WWOX: variants seen among roughly 807,000 people sequenced by gnomAD.
WWOX encodes WW domain-containing oxidoreductase.
A neutral mutation model predicts 46.2 loss-of-function variants in WWOX; 69 were observed. That is an observed-to-expected ratio of 1.49 (90% CI 1.23 to 1.82). The LOEUF is 1.82. Ranked by LOEUF, WWOX falls within the 40% of genes most tolerant of loss-of-function variation. The probability of loss-of-function intolerance (pLI) is 0.00; values close to 1 mark genes in which losing one functional copy is unlikely to be tolerated. For synonymous variants in WWOX, 359 were observed against 202.6 expected, an observed-to-expected ratio of 1.77 and a Z score of -6.56; for missense variants, 919 against 542.6, an observed-to-expected ratio of 1.69 and a Z score of -6.89.
Position 78,345,712 on chromosome 16 carries a change from A to C in WWOX, c.517-41148A>C, listed in dbSNP as rs186037874. ...CTTATACAGTTTGTGATATGGGTAC[A>C]CACTCAGTGAAATGGCCATTAATAC... On this transcript the variant is annotated intron_variant, in intron 5 of 8. Coordinates refer to ENST00000566780, the MANE Select transcript of WWOX (RefSeq NM_016373.4). Among the ~76,000 whole-genome samples, 3 of 114,222 alleles carry C rather than the reference A, an allele frequency of 2.6e-5. No homozygotes were observed. The East Asian group carries it at 5.8e-4, about 22-fold the overall frequency. The allele number at this position is 114,222 out of a possible 152,430, so 74.9% of individuals were successfully genotyped here.
At chr16:79,056,947 G>C (rs887535360) in intron 8 of WWOX, among the ~76,000 whole-genome samples, 14 of 152,208 alleles carry the variant, frequency 9.2e-5, no homozygotes, top group African/African-American at 3.4e-4. Flanking sequence ...TGTGTTTATA[G>C]GGACAGGATA....
intron 5 of WWOX, chr16:78,237,337 G>A (rs996044132): frequency 6.6e-6 from 1 of 152,164 alleles, no homozygotes; most frequent in African/African-American, 2.4e-5. Context: ...GAAAGAGACT[G>A]TTTAAAACAC....
chr16:78,236,775 G>T (rs1259999801), intron 5 of WWOX, among the ~76,000 whole-genome samples: 1 of 152,108 alleles, frequency 6.6e-6, no homozygotes, highest in Non-Finnish European at 1.5e-5. Context: ...GTCCCATGAT[G>T]ATAATATCTG....
chr16:79,031,874 A>G lies in WWOX; in HGVS notation c.1057-179734A>G, dbSNP rs1191122451. On this transcript the variant is annotated intron_variant, in intron 8 of 8. Coordinates refer to ENST00000566780, the MANE Select transcript of WWOX (RefSeq NM_016373.4). ...ATATTATATATATAGATAGATATCT[A>G]TATACAGATATCTGTATACAGATAT... Among the ~76,000 whole-genome samples, 76 of 137,862 alleles carry G rather than the reference A, an allele frequency of 5.5e-4. No homozygotes were observed. The South Asian group carries it at 0.012, about 22-fold the overall frequency. The allele number at this position is 137,862 out of a possible 152,430, so 90.4% of individuals were successfully genotyped here.
rs934479325 is a variant in WWOX at position 78,345,869 on chromosome 16, G to A, written c.517-40991G>A. Reference sequence around the variant, plus strand: ...GGATTGGTTTGATCAACTTTGTTGCGGTCTAATTTATGTAAAATAAATTGC... The same window carrying A: ...GGATTGGTTTGATCAACTTTGTTGCAGTCTAATTTATGTAAAATAAATTGC... On this transcript the variant is annotated intron_variant, in intron 5 of 8. Transcript: ENST00000566780. Among the ~76,000 whole-genome samples, 4 of 118,008 alleles carry A rather than the reference G, an allele frequency of 3.4e-5. 1 individual carries two copies. Among genetic ancestry groups the A allele is most frequent in the East Asian group, 1.9e-4 (1 of 5,158 alleles). 77.4% of individuals were successfully genotyped at this position (118,008 alleles called of 152,430 possible).
chr16:78,200,096 G>A (rs886258660), intron 5 of WWOX, among the ~76,000 whole-genome samples: 1 of 152,142 alleles, frequency 6.6e-6, no homozygotes, highest in Admixed American at 6.5e-5. Flanking sequence ...TATATCTCCT[G>A]TTTTAAGTTA....
intron 8 of WWOX, among the ~76,000 whole-genome samples, chr16:78,943,304 A>G (rs564582933): frequency 3.4e-5 from 5 of 147,582 alleles, no homozygotes; most frequent in Admixed American, 3.3e-4. Flanking sequence ...GAGGTACGCT[A>G]AACGAGTAAA....
At chr16:78,587,044 G>T (rs932415559) in intron 8 of WWOX, among the ~76,000 whole-genome samples, 2 of 151,966 alleles carry the variant, frequency 1.3e-5, no homozygotes, top group Admixed American at 6.6e-5. Flanking sequence ...TCCTTTTTTA[G>T]AGATAAAGCC....
chr16:78,198,488 G>A (rs889418), intron 5 of WWOX, among the ~76,000 whole-genome samples: 21,200 of 152,158 alleles, frequency 0.14, 1,783 homozygotes, highest in Non-Finnish European at 0.19. Flanking sequence ...AATAAATACT[G>A]ATGGAGAATG....
intron 8 of WWOX, among the ~76,000 whole-genome samples, chr16:79,164,542 A>C (rs1025727271): frequency 2.0e-5 from 3 of 152,150 alleles, no homozygotes; most frequent in African/African-American, 7.2e-5. Context: ...ACCTTCTATC[A>C]GGCCAAGTGA....
chr16:78,874,676 A>ATTTTTTTC (rs2044198328), intron 8 of WWOX, among the ~76,000 whole-genome samples: 45 of 89,606 alleles, frequency 5.0e-4, no homozygotes, highest in African/African-American at 1.5e-3. Flanking sequence ...TGACCAGAAG[A>ATTTTTTTC]TTTTTTTCTT....
chr16:78,501,045 G>C (rs1163357137), intron 8 of WWOX, among the ~76,000 whole-genome samples: 1 of 152,234 alleles, frequency 6.6e-6, no homozygotes, highest in East Asian at 1.9e-4. Flanking sequence ...TTATTCTTAG[G>C]CATTTAACAG....
At chr16:78,314,513 G>A (rs1219809159) in intron 5 of WWOX, among the ~76,000 whole-genome samples, 2 of 147,418 alleles carry the variant, frequency 1.4e-5, no homozygotes, top group Admixed American at 1.4e-4. Context: ...TCAGGATGGT[G>A]CCAATTTGTG....
intron 8 of WWOX, among the ~76,000 whole-genome samples, chr16:78,499,676 T>C (rs1362765979): frequency 1.3e-5 from 2 of 152,256 alleles, no homozygotes; most frequent in African/African-American, 4.8e-5. Context: ...TATTAGGCTT[T>C]GACTCCTTAA....
chr16:78,961,391 G>A (rs1490919528), intron 8 of WWOX, among the ~76,000 whole-genome samples: 1 of 152,128 alleles, frequency 6.6e-6, no homozygotes, highest in Non-Finnish European at 1.5e-5. Flanking sequence ...GCAGTTTGTG[G>A]CATGGCACAA....
chr16:78,861,045 C>T (rs936988296), intron 8 of WWOX, among the ~76,000 whole-genome samples: 4 of 152,054 alleles, frequency 2.6e-5, no homozygotes, highest in Admixed American at 2.0e-4. Flanking sequence ...GTCTCGAACT[C>T]CTGGGCTCAA....
At chr16:79,097,720 A>G (rs1359768376) in intron 8 of WWOX, among the ~76,000 whole-genome samples, 1 of 152,150 alleles carries the variant, frequency 6.6e-6, no homozygotes, top group Non-Finnish European at 1.5e-5. Context: ...GATAAAGGAT[A>G]CTTTCTGTCT....
chr16:78,965,304 C>G (rs1460422419), intron 8 of WWOX, among the ~76,000 whole-genome samples: 1 of 152,138 alleles, frequency 6.6e-6, no homozygotes, highest in African/African-American at 2.4e-5. Context: ...CACGGTGGCT[C>G]ATGCCTATAA....
intron 4 of WWOX, among the ~76,000 whole-genome samples, chr16:78,116,277 A>G (rs2032786424): frequency 6.6e-6 from 1 of 152,206 alleles, no homozygotes; most frequent in African/African-American, 2.4e-5. Context: ...CCCATTAACC[A>G]TCTGCACTTC....
Sources: gnomAD v4.1 joint callset for allele counts (sites outside exome capture counted in the v4.1 genomes callset) on GRCh38, gnomAD v4.1.1 for gene constraint, MANE v1.5 for transcripts, NCBI Gene and HGNC (gene_info 2026-07-23, HGNC 2026-07-21) for gene names.